DIAPH3: variants seen among roughly 807,000 people sequenced by gnomAD.
The protein encoded by DIAPH3 is protein diaphanous homolog 3.
Under a neutral mutation model 144.3 loss-of-function variants are expected in DIAPH3, and 117 were observed. The observed-to-expected ratio is 0.81, with a 90% confidence interval of 0.70 to 0.95. The LOEUF (loss-of-function observed/expected upper bound fraction) is 0.95. DIAPH3 is among the 40% of genes least tolerant of loss of function. The probability of loss-of-function intolerance (pLI) is 0.00; values close to 1 mark genes in which losing one functional copy is unlikely to be tolerated. For synonymous variants in DIAPH3, 519 were observed against 488.9 expected (o/e 1.06, Z -0.81); for missense variants, 1,421 against 1,412.7 (o/e 1.01, Z -0.09).
At chr13:59,916,391 T>A in intron 18 of DIAPH3, 142 bp from the exon 19 acceptor site, 1 of 687,664 alleles carries the variant, frequency 1.5e-6, no homozygotes, top group Non-Finnish European at 2.5e-6. Flanking sequence ...GGGAAACATA[T>A]TATGGGGGAA....
chr13:59,955,136 G>A (rs992454063), intron 17 of DIAPH3, among the ~76,000 whole-genome samples: 5 of 150,174 alleles, frequency 3.3e-5, no homozygotes, highest in Middle Eastern at 3.5e-3. Flanking sequence ...ATTTGTATTT[G>A]TATTTGTACA....
intron 3 of DIAPH3, among the ~76,000 whole-genome samples, chr13:60,095,194 G>T (rs74453944): frequency 0.037 from 5,566 of 152,162 alleles, 135 homozygotes; most frequent in East Asian, 0.075. Context: ...GCCTAGACTC[G>T]AATTCAATGG....
intron 9 of DIAPH3, among the ~76,000 whole-genome samples, chr13:60,003,753 T>C (rs1429491819): frequency 6.6e-6 from 1 of 151,858 alleles, no homozygotes; most frequent in African/African-American, 2.4e-5. Flanking sequence ...TTTTTTTCTT[T>C]GTATTTTTAG....
chr13:60,034,070 TTAATC>T (rs2055009743), intron 5 of DIAPH3, among the ~76,000 whole-genome samples: 3 of 152,124 alleles, frequency 2.0e-5, no homozygotes, highest in Admixed American at 1.3e-4. Flanking sequence ...GCCCAGAAAA[TTAATC>T]TAAGGAATAA....
chr13:59,848,641 T>C (rs1454087777), intron 22 of DIAPH3, among the ~76,000 whole-genome samples: 1 of 127,372 alleles, frequency 7.9e-6, no homozygotes, highest in African/African-American at 3.0e-5. Flanking sequence ...ACAAAGGATA[T>C]GAACTCATCA....
intron 20 of DIAPH3, among the ~76,000 whole-genome samples, chr13:59,901,449 A>C (rs1280398576): frequency 6.6e-6 from 1 of 152,104 alleles, no homozygotes; most frequent in Non-Finnish European, 1.5e-5. Context: ...CTTCTGCTCA[A>C]CTCTTACCTC....
At chr13:59,949,284 A>C (rs2048974560) in intron 17 of DIAPH3, among the ~76,000 whole-genome samples, 1 of 152,184 alleles carries the variant, frequency 6.6e-6, no homozygotes, top group Non-Finnish European at 1.5e-5. Flanking sequence ...TGTTAAGGCC[A>C]AGTGCAACAG....
At chr13:59,778,198 C>T (rs762319737) in intron 25 of DIAPH3, among the ~76,000 whole-genome samples, 3 of 152,202 alleles carry the variant, frequency 2.0e-5, no homozygotes, top group African/African-American at 4.8e-5. Context: ...TCCTTCAAAA[C>T]GGAGAACTGA....
At chr13:60,110,617 C>A (rs1294183020) in intron 3 of DIAPH3, among the ~76,000 whole-genome samples, 4 of 152,090 alleles carry the variant, frequency 2.6e-5, no homozygotes, top group African/African-American at 9.7e-5. Flanking sequence ...GAATCTGTTT[C>A]TTATTTTTTA....
intron 1 of DIAPH3, among the ~76,000 whole-genome samples, chr13:60,143,005 A>G (rs186274642): frequency 4.0e-4 from 60 of 151,606 alleles, no homozygotes; most frequent in African/African-American, 1.4e-3. Context: ...CTTCTGCCTC[A>G]GCCTTCCAAA....
intron 17 of DIAPH3, among the ~76,000 whole-genome samples, chr13:59,926,833 C>T (rs1369396847): frequency 3.3e-5 from 5 of 152,096 alleles, no homozygotes; most frequent in African/African-American, 1.2e-4. Context: ...CTGTAAATGT[C>T]TATTAGATTC....
intron 27 of DIAPH3, among the ~76,000 whole-genome samples, chr13:59,703,214 C>A (rs1056491975): frequency 2.6e-5 from 4 of 152,120 alleles, no homozygotes; most frequent in Non-Finnish European, 5.9e-5. Flanking sequence ...AAAATGCACA[C>A]TGATTTTGAA....
intron 17 of DIAPH3, among the ~76,000 whole-genome samples, chr13:59,966,459 A>G (rs1197525828): frequency 1.3e-5 from 2 of 152,122 alleles, no homozygotes; most frequent in Non-Finnish European, 2.9e-5. Flanking sequence ...ATTAAACAAG[A>G]TAATATGAAG....
In DIAPH3 at chr13:59,924,859, C is replaced by T; in HGVS notation, c.2086G>A (p.Glu696Lys). The T allele has an allele frequency of 1.3e-6, 2 of 1,599,732 alleles. No homozygotes were observed. Among genetic ancestry groups the T allele is most frequent in the South Asian group, 2.2e-5 (2 of 90,664 alleles). The change falls in exon 18 of 28, where the codon GAG becomes AAG. Residue 696 changes from glutamate to lysine, a missense_variant. Physicochemically the swap from Glu to Lys is moderately conservative, Grantham distance 56. Coordinates refer to ENST00000400324, the MANE Select transcript of DIAPH3 (RefSeq NM_001042517.2). ...FCCQQKERRE[E>K]EDIEEKKSIK... Reference sequence around the variant, plus strand: ...GATTTCTTCTCTTCAATATCTTCCTCTTCTCTTCTCTCTGTAAAACCAAGA... The same window carrying T: ...GATTTCTTCTCTTCAATATCTTCCTTTTCTCTTCTCTCTGTAAAACCAAGA...
At chr13:59,977,839 A>G (rs1014931740) in intron 14 of DIAPH3, among the ~76,000 whole-genome samples, 17 of 151,806 alleles carry the variant, frequency 1.1e-4, no homozygotes, top group African/African-American at 4.1e-4. Flanking sequence ...ATGCAGGGGG[A>G]AAAGATATTT....
At chr13:60,089,959 G>A (rs143879699) in intron 4 of DIAPH3, among the ~76,000 whole-genome samples, 6 of 152,306 alleles carry the variant, frequency 3.9e-5, no homozygotes, top group African/African-American at 1.4e-4. Context: ...AAAACCCGGA[G>A]TAGCTTCCAT....
At chr13:59,764,142 T>A (rs1234100287) in intron 27 of DIAPH3, among the ~76,000 whole-genome samples, 1 of 151,976 alleles carries the variant, frequency 6.6e-6, no homozygotes, top group Non-Finnish European at 1.5e-5. Flanking sequence ...GTTTACATAA[T>A]CCCTGTTTGC....
At chr13:59,704,707 C>T (rs958140348) in intron 27 of DIAPH3, among the ~76,000 whole-genome samples, 9 of 152,114 alleles carry the variant, frequency 5.9e-5, no homozygotes, top group Admixed American at 5.2e-4. Context: ...ACATGTTGTG[C>T]AGGTTTGCAG....
intron 9 of DIAPH3, among the ~76,000 whole-genome samples, chr13:59,995,514 T>C (rs2052135405): frequency 6.6e-6 from 1 of 151,942 alleles, no homozygotes; most frequent in African/African-American, 2.4e-5. Flanking sequence ...ACATACTTCA[T>C]TCCTTCAAAG....
Sources: gnomAD v4.1 joint callset for allele counts (sites outside exome capture counted in the v4.1 genomes callset) on GRCh38, gnomAD v4.1.1 for gene constraint, MANE v1.5 for transcripts, NCBI Gene and HGNC (gene_info 2026-07-23, HGNC 2026-07-21) for gene names.